The following DDX10 variants were observed in gnomAD, a reference collection of about 807,000 sequenced individuals.
DDX10 encodes the protein probable ATP-dependent RNA helicase DDX10.
In DDX10, 74 loss-of-function variants were observed where a neutral mutation model predicts 104.3. The ratio of observed to expected loss-of-function variants is 0.71; its 90% CI spans 0.59 to 0.86. DDX10 has a LOEUF of 0.86. Among genes scored for constraint, DDX10 ranks in the 40% least tolerant of loss-of-function variants. The pLI is 0.00. For missense variants in DDX10, 952 were observed against 1,040.0 expected, an observed-to-expected ratio of 0.92 and a Z score of 1.16; for synonymous variants, 351 against 353.4, an observed-to-expected ratio of 0.99 and a Z score of 0.08.
intron 16 of DDX10, among the ~76,000 whole-genome samples, chr11:108,854,083 C>A (rs529424828): frequency 6.6e-6 from 1 of 152,300 alleles, no homozygotes; most frequent in East Asian, 1.9e-4. Context: ...CTCAAACATT[C>A]CTCAAGACAC....
chr11:108,798,089 C>T (rs1037840505), intron 13 of DDX10, among the ~76,000 whole-genome samples: 3 of 152,164 alleles, frequency 2.0e-5, no homozygotes, highest in African/African-American at 4.8e-5. Context: ...TCATATATTG[C>T]GTACACAGTA....
intron 6 of DDX10, among the ~76,000 whole-genome samples, chr11:108,686,987 G>T (rs1400163634): frequency 6.6e-6 from 1 of 151,966 alleles, no homozygotes; most frequent in Admixed American, 6.6e-5. Flanking sequence ...GGGTCTCACT[G>T]TGTTTGCCAG....
chr11:108,697,997 T>C (rs1318577801), intron 9 of DDX10, among the ~76,000 whole-genome samples: 1 of 152,238 alleles, frequency 6.6e-6, no homozygotes, highest in Non-Finnish European at 1.5e-5. Context: ...CTTATGTGCC[T>C]GGCTACATTT....
At chr11:108,853,387 C>T (rs1862821640) in intron 16 of DDX10, among the ~76,000 whole-genome samples, 1 of 152,128 alleles carries the variant, frequency 6.6e-6, no homozygotes, top group Non-Finnish European at 1.5e-5. Flanking sequence ...AAGAAGCTCT[C>T]ATTTCTGCAT....
At chr11:108,885,732 A>G (rs941409044) in intron 16 of DDX10, among the ~76,000 whole-genome samples, 2 of 152,042 alleles carry the variant, frequency 1.3e-5, no homozygotes, top group Admixed American at 6.6e-5. Context: ...CCATTTTCCC[A>G]TACTCTGCTT....
intron 13 of DDX10, among the ~76,000 whole-genome samples, chr11:108,782,226 C>T (rs2094379124): frequency 6.6e-6 from 1 of 152,146 alleles, no homozygotes; most frequent in Non-Finnish European, 1.5e-5. Context: ...AATTGTAGTT[C>T]CCACAGGCAG....
chr11:108,800,275 CAAAAAAAAA>C (rs5794604), intron 13 of DDX10, among the ~76,000 whole-genome samples: 5 of 106,238 alleles, frequency 4.7e-5, no homozygotes, highest in African/African-American at 1.8e-4. Flanking sequence ...ACTAAAAATA[CAAAAAAAAA>C]AAAAAAAAAA....
At chr11:108,830,427 C>T (rs377279954) in intron 13 of DDX10, among the ~76,000 whole-genome samples, 13 of 152,212 alleles carry the variant, frequency 8.5e-5, no homozygotes, top group East Asian at 7.7e-4. Context: ...ATTCATTTAC[C>T]GGTTCTGGGA....
At chr11:108,694,233 C>T (rs1294643879) in intron 9 of DDX10, among the ~76,000 whole-genome samples, 2 of 152,008 alleles carry the variant, frequency 1.3e-5, no homozygotes, top group Non-Finnish European at 2.9e-5. Context: ...CCACAGAAAG[C>T]GAAACCACAG....
chr11:108,686,359 T>C (rs1170427665), intron 6 of DDX10, among the ~76,000 whole-genome samples: 2 of 152,244 alleles, frequency 1.3e-5, no homozygotes, highest in Admixed American at 1.3e-4. Flanking sequence ...TTTCACAGTA[T>C]ATTCACTGCC....
intron 1 of DDX10, among the ~76,000 whole-genome samples, chr11:108,673,262 G>T (rs2094219402): frequency 6.6e-6 from 1 of 152,078 alleles, no homozygotes; most frequent in Non-Finnish European, 1.5e-5. Flanking sequence ...CTTACCAATT[G>T]AAATGCTTAC....
chr11:108,934,949 G>A (rs943050444), intron 17 of DDX10, among the ~76,000 whole-genome samples: 4 of 152,154 alleles, frequency 2.6e-5, no homozygotes, highest in African/African-American at 9.7e-5. Flanking sequence ...GCTGGAAGTC[G>A]AATTCGCAGC....
At chr11:108,806,266 A>G (rs547196787) in intron 13 of DDX10, among the ~76,000 whole-genome samples, 67 of 152,264 alleles carry the variant, frequency 4.4e-4, no homozygotes, top group Admixed American at 3.7e-3. Context: ...CCTGGCCTAA[A>G]CTTTTCTATT....
Position 108,693,520 on chromosome 11 carries a change from C to T in DDX10, c.1143C>T (p.Phe381=). ...ATDIAARGLD[F]PAVNWVLQFD... is the part of the protein sequence containing the mutation. ...CTTCACATCCCTTCTCTGTAGATTT[C>T]CCGGCCGTGAATTGGGTTCTTCAGT... is the stretch of plus-strand genomic sequence containing the variant. Residue 381 remains phenylalanine, a synonymous_variant, in exon 9 of 18, where the codon TTC becomes TTT. Coordinates refer to ENST00000322536, the MANE Select transcript of DDX10 (RefSeq NM_004398.4). The T allele has an allele frequency of 6.2e-7, 1 of 1,613,670 alleles. No individual in the cohort carries two copies. Among genetic ancestry groups the T allele is most frequent in the South Asian group, 1.1e-5 (1 of 91,070 alleles).
At chr11:108,675,120 GTGTGTA>G (rs1047371561) in intron 2 of DDX10, among the ~76,000 whole-genome samples, 3 of 138,650 alleles carry the variant, frequency 2.2e-5, no homozygotes, top group East Asian at 4.8e-4. Context: ...GTGTGTGTGT[GTGTGTA>G]TGTGTATGTA....
intron 13 of DDX10, chr11:108,767,234 A>G (rs2134522229): frequency 6.6e-6 from 1 of 152,312 alleles, no homozygotes; most frequent in South Asian, 2.1e-4. Context: ...TTTTATACTG[A>G]GATGCTTTTG....
chr11:108,719,843 A>C lies in DDX10; in HGVS notation c.1457A>C (p.Glu486Ala). The change falls in exon 12 of 18, where the codon GAA (glutamate) becomes GCA (alanine). Residue 486 changes from glutamate (E) to alanine (A), a missense_variant. Coordinates refer to ENST00000322536, the MANE Select transcript of DDX10 (RefSeq NM_004398.4). ...VRSVYLMKDK[E>A]VFDVSKLPIP... ...TCTGTATATCTGATGAAGGATAAAG[A>C]AGTATTTGATGTGAGCAAGTTACCT... 6.2e-7 allele frequency: 1 copy of C among 1,607,882 alleles called. No individual in the cohort carries two copies. Among genetic ancestry groups the C allele is most frequent in the Non-Finnish European group, 8.5e-7 (1 of 1,174,454 alleles).
chr11:108,781,732 C>T (rs889548208), intron 13 of DDX10, among the ~76,000 whole-genome samples: 7 of 151,868 alleles, frequency 4.6e-5, no homozygotes, highest in African/African-American at 1.7e-4. Context: ...AAGAATCGCC[C>T]TCTCACCCCC....
chr11:108,915,211 G>A (rs1863731221), intron 16 of DDX10, among the ~76,000 whole-genome samples: 1 of 152,106 alleles, frequency 6.6e-6, no homozygotes, highest in Admixed American at 6.6e-5. Context: ...GACATATCAT[G>A]GTCAACTGTT....
Sources: gnomAD v4.1 joint callset for allele counts (sites outside exome capture counted in the v4.1 genomes callset) on GRCh38, gnomAD v4.1.1 for gene constraint, MANE v1.5 for transcripts, NCBI Gene and HGNC (gene_info 2026-07-23, HGNC 2026-07-21) for gene names.